F13A1: variants seen among roughly 807,000 people sequenced by gnomAD.
F13A1 encodes FSF, A subunit.
In F13A1, 47 loss-of-function variants were observed where a neutral mutation model predicts 80.1. The observed-to-expected ratio is 0.59, with a 90% CI of 0.46 to 0.75. F13A1 has a LOEUF of 0.75. Among genes scored for constraint, F13A1 ranks in the 30% least tolerant of loss-of-function variants. The probability of loss-of-function intolerance (pLI) is 0.00; values close to 1 mark genes in which losing one functional copy is unlikely to be tolerated. For synonymous variants in F13A1, 349 were observed against 344.9 expected (o/e 1.01, Z -0.13); for missense variants, 817 against 930.4 (o/e 0.88, Z 1.59).
At chr6:6,195,988 T>C in intron 9 of F13A1, 103 bp from the exon 10 acceptor site, 1 of 1,065,132 alleles carries the variant, frequency 9.4e-7, no homozygotes, top group Non-Finnish European at 1.4e-6. Context: ...AGACCAGTGT[T>C]CCCAACTTCA....
chr6:6,305,734 C>G, intron 2 of F13A1, 195 bp from the exon 3 acceptor site: 1 of 602,558 alleles, frequency 1.7e-6, no homozygotes, highest in Non-Finnish European at 2.9e-6. Context: ...TTGAAGAGAG[C>G]TTTTTAAAGC....
chr6:6,284,188 T>C (rs1181041416), intron 3 of F13A1, among the ~76,000 whole-genome samples: 3 of 152,252 alleles, frequency 2.0e-5, no homozygotes, highest in Admixed American at 1.3e-4. Flanking sequence ...ACACAAGCAC[T>C]GTCTTTATGA....
chr6:6,301,191 A>C (rs911443315), intron 3 of F13A1, among the ~76,000 whole-genome samples: 1 of 152,144 alleles, frequency 6.6e-6, no homozygotes, highest in East Asian at 1.9e-4. Context: ...TTTCCCCAGC[A>C]ATGTTCTTTT....
At chr6:6,292,318 T>A (rs1758234803) in intron 3 of F13A1, among the ~76,000 whole-genome samples, 1 of 152,190 alleles carries the variant, frequency 6.6e-6, no homozygotes, top group Non-Finnish European at 1.5e-5. Flanking sequence ...TCTGTCATCA[T>A]AGTCACATAA....
At chr6:6,294,583 C>CACACAA (rs1758289409) in intron 3 of F13A1, among the ~76,000 whole-genome samples, 1 of 151,924 alleles carries the variant, frequency 6.6e-6, no homozygotes, top group African/African-American at 2.4e-5. Context: ...AACACACACA[C>CACACAA]ACACATATAT....
chr6:6,318,480 C>T, intron 2 of F13A1, 55 bp downstream of exon 2: 2 of 1,567,276 alleles, frequency 1.3e-6, no homozygotes, highest in Non-Finnish European at 1.7e-6. Context: ...GAAGAGGGGC[C>T]AGGGCCCGGC....
intron 13 of F13A1, among the ~76,000 whole-genome samples, chr6:6,165,874 A>G (rs1337713558): frequency 1.3e-5 from 2 of 152,244 alleles, no homozygotes; most frequent in African/African-American, 4.8e-5. Flanking sequence ...CTGTGCACAC[A>G]ACGCCATGGT....
At chr6:6,234,872 T>C (rs1757395213) in intron 6 of F13A1, among the ~76,000 whole-genome samples, 1 of 152,008 alleles carries the variant, frequency 6.6e-6, no homozygotes, top group South Asian at 2.1e-4. Flanking sequence ...TAAAATTAAA[T>C]AGAATTTGGG....
Position 6,175,013 on chromosome 6 carries a change from A to G in F13A1, c.1460-146T>C, listed in dbSNP as rs1055661336. Reference sequence around the variant, plus strand: ...TCCCCAGGAGGAGGGTGCCGTCATTATTCCTATGTTATAAATTCTGCAAAG... The same window carrying G: ...TCCCCAGGAGGAGGGTGCCGTCATTGTTCCTATGTTATAAATTCTGCAAAG... On this transcript the variant is annotated intron_variant, in intron 11 of 14. Transcript: ENST00000264870. 3.0e-6 allele frequency: 3 copies of G among 986,940 alleles called. No homozygotes were observed. In the African/African-American group the frequency reaches 4.9e-5, roughly 16 times the overall value. The allele number at this position is 986,940 out of a possible 1,614,324, so 61.1% of individuals were successfully genotyped here. A position where few individuals can be genotyped will look rare whatever the true frequency, so the allele number is the denominator to read the frequency against.
chr6:6,246,335 A>G (rs545401611), intron 6 of F13A1, among the ~76,000 whole-genome samples: 1 of 152,326 alleles, frequency 6.6e-6, no homozygotes, highest in East Asian at 1.9e-4. Context: ...CAGATTTTGG[A>G]AAGATTCACA....
intron 6 of F13A1, among the ~76,000 whole-genome samples, chr6:6,245,490 C>T (rs924154322): frequency 5.3e-5 from 8 of 152,206 alleles, no homozygotes; most frequent in Admixed American, 3.3e-4. Context: ...TCCCAAAGTG[C>T]TGGGATTACA....
At chr6:6,290,053 T>C (rs891508434) in intron 3 of F13A1, among the ~76,000 whole-genome samples, 2 of 152,196 alleles carry the variant, frequency 1.3e-5, no homozygotes, top group Non-Finnish European at 2.9e-5. Flanking sequence ...GGGATGAACA[T>C]ATCTTACTAC....
Position 6,266,898 on chromosome 6 carries a change from G to A in F13A1, c.320-89C>T. The A allele has an allele frequency of 3.2e-6, 5 of 1,542,318 alleles. No homozygotes were observed. The South Asian group carries it at 3.4e-5, about 10-fold the overall frequency. On this transcript the variant is annotated intron_variant, in intron 3 of 14. Transcript: ENST00000264870. ...TGTTATCTTATAGCTGAAGGGACAG[G>A]AGTAATCCATTAGAATTATTCTTGA...
chr6:6,283,836 C>A (rs1218123597), intron 3 of F13A1, among the ~76,000 whole-genome samples: 1 of 152,180 alleles, frequency 6.6e-6, no homozygotes, highest in Admixed American at 6.5e-5. Flanking sequence ...ACAAAAGACA[C>A]AAGGTGGCCT....
chr6:6,266,296 A>G (rs1410933648), intron 4 of F13A1, among the ~76,000 whole-genome samples: 2 of 152,174 alleles, frequency 1.3e-5, no homozygotes, highest in African/African-American at 4.8e-5. Flanking sequence ...CAGTGGCACA[A>G]TCATTGCTCA....
chr6:6,167,443 G>C lies in F13A1; in HGVS notation c.1908+15C>G. The C allele has an allele frequency of 6.2e-7, 1 of 1,612,818 alleles. No homozygotes were observed. Among genetic ancestry groups the C allele is most frequent in the African/African-American group, 1.3e-5 (1 of 74,684 alleles). Reference sequence around the variant, plus strand: ...TGCCTTTGTCTCTGTTCCAGGATGAGACGCTAAGACTGACCTTGATGATGA... The same window carrying C: ...TGCCTTTGTCTCTGTTCCAGGATGACACGCTAAGACTGACCTTGATGATGA... On this transcript the variant is annotated intron_variant, in intron 13 of 14. Transcript: ENST00000264870.
chr6:6,281,437 C>T (rs1027792619), intron 3 of F13A1, among the ~76,000 whole-genome samples: 2 of 152,180 alleles, frequency 1.3e-5, no homozygotes, highest in Admixed American at 1.3e-4. Flanking sequence ...TTATTCTGGA[C>T]CATTTAGAGC....
intron 13 of F13A1, among the ~76,000 whole-genome samples, chr6:6,153,711 TCA>T (rs1402680462): frequency 6.6e-6 from 1 of 152,122 alleles, no homozygotes; most frequent in Non-Finnish European, 1.5e-5. Flanking sequence ...CCAGCAATCC[TCA>T]GTCTGGTAAT....
intron 6 of F13A1, among the ~76,000 whole-genome samples, chr6:6,238,537 A>T (rs1025252520): frequency 2.6e-5 from 4 of 152,148 alleles, no homozygotes; most frequent in Non-Finnish European, 5.9e-5. Flanking sequence ...TATAAAATTT[A>T]AAAACTTTTG....
Sources: gnomAD v4.1 joint callset for allele counts (sites outside exome capture counted in the v4.1 genomes callset) on GRCh38, gnomAD v4.1.1 for gene constraint, MANE v1.5 for transcripts, NCBI Gene and HGNC (gene_info 2026-07-23, HGNC 2026-07-21) for gene names.